CLASP1: variants seen among roughly 807,000 people sequenced by gnomAD.
CLASP1 encodes the protein CLIP-associating protein 1.
In CLASP1, 38 loss-of-function variants were observed where a neutral mutation model predicts 192.3. That is an observed-to-expected ratio of 0.20 (90% CI 0.15 to 0.26). CLASP1 has a LOEUF of 0.26. Ranked by LOEUF, CLASP1 falls within the 10% of genes least tolerant of loss-of-function variation. CLASP1 has a pLI of 1.00. For synonymous variants in CLASP1, 691 were observed against 712.8 expected (o/e 0.97, Z 0.49); for missense variants, 1,433 against 1,932.5 (o/e 0.74, Z 4.85).
intron 19 of CLASP1, among the ~76,000 whole-genome samples, chr2:121,437,880 T>C (rs1462484538): frequency 1.3e-5 from 2 of 152,242 alleles, no homozygotes; most frequent in African/African-American, 4.8e-5. Context: ...GGTTTGAAGC[T>C]GTGTGGATTC....
chr2:121,430,284 T>C (rs1176158632), intron 19 of CLASP1, 107 bp from the exon 20 acceptor site: 5 of 760,980 alleles, frequency 6.6e-6, no homozygotes, highest in Non-Finnish European at 1.1e-5. Context: ...GCCAACTACA[T>C]GGGGAGCAAC....
At chr2:121,589,191 C>T (rs1444668816) in intron 2 of CLASP1, among the ~76,000 whole-genome samples, 1 of 152,222 alleles carries the variant, frequency 6.6e-6, no homozygotes, top group Non-Finnish European at 1.5e-5. Flanking sequence ...GCCCATCCAT[C>T]TGACTTGCCT....
At chr2:121,595,757 G>A (rs554254116) in intron 2 of CLASP1, among the ~76,000 whole-genome samples, 1 of 152,286 alleles carries the variant, frequency 6.6e-6, no homozygotes, top group East Asian at 1.9e-4. Context: ...CAGAGCACAG[G>A]CTAACTGACT....
intron 1 of CLASP1, among the ~76,000 whole-genome samples, chr2:121,614,116 A>T (rs287787): frequency 2.0e-5 from 3 of 151,936 alleles, no homozygotes; most frequent in Admixed American, 6.6e-5. Context: ...GGCTACCAGG[A>T]CTCCTGAGAC....
intron 1 of CLASP1, among the ~76,000 whole-genome samples, chr2:121,615,318 G>A (rs565007651): frequency 4.9e-4 from 75 of 151,768 alleles, no homozygotes; most frequent in Non-Finnish European, 9.0e-4. Flanking sequence ...CAGCTTGCGC[G>A]TCAGGAATGA....
chr2:121,392,115 T>C (rs1408442517), intron 30 of CLASP1, among the ~76,000 whole-genome samples: 1 of 152,224 alleles, frequency 6.6e-6, no homozygotes. Flanking sequence ...TACTTCTAGG[T>C]TTCTTCGCCA....
At chr2:121,478,753 ACACACACACCACACACCC>A (rs2092069599) in intron 8 of CLASP1, among the ~76,000 whole-genome samples, 4 of 37,060 alleles carry the variant, frequency 1.1e-4, no homozygotes, top group African/African-American at 1.6e-4. Flanking sequence ...CACACACACC[ACACACACACCACACACCC>A]CACACACACA....
intron 8 of CLASP1, among the ~76,000 whole-genome samples, chr2:121,483,613 G>A (rs1467633777): frequency 1.3e-5 from 2 of 150,676 alleles, no homozygotes; most frequent in African/African-American, 2.4e-5. Flanking sequence ...CAAGAATTTG[G>A]GTTTATTTTC....
intron 1 of CLASP1, among the ~76,000 whole-genome samples, chr2:121,632,936 C>T (rs1467912257): frequency 6.7e-6 from 1 of 149,044 alleles, no homozygotes; most frequent in Non-Finnish European, 1.5e-5. Flanking sequence ...AGTCTATAAT[C>T]AGCCACGAAC....
intron 35 of CLASP1, among the ~76,000 whole-genome samples, chr2:121,367,228 G>A (rs751387791): frequency 3.3e-5 from 5 of 152,178 alleles, no homozygotes; most frequent in East Asian, 1.9e-4. Flanking sequence ...GCCCGCGCTC[G>A]CCATCCTGTT....
chr2:121,388,126 T>G (rs988509574), intron 30 of CLASP1: 5 of 431,276 alleles, frequency 1.2e-5, no homozygotes, highest in Non-Finnish European at 2.1e-5. Flanking sequence ...CCCTCTGGCC[T>G]TGGAATTCCA....
At chr2:121,600,687 T>C (rs554702107) in intron 2 of CLASP1, among the ~76,000 whole-genome samples, 1 of 152,360 alleles carries the variant, frequency 6.6e-6, no homozygotes, top group South Asian at 2.1e-4. Context: ...ATCAGTTTCC[T>C]CTCCATAGAC....
chr2:121,613,967 A>G (rs1465687289), intron 1 of CLASP1, among the ~76,000 whole-genome samples: 1 of 152,182 alleles, frequency 6.6e-6, no homozygotes, highest in Non-Finnish European at 1.5e-5. Context: ...AGGCTCTACA[A>G]TGGTGTCACT....
At chr2:121,478,788 ACACAC>A (rs2092110019) in intron 8 of CLASP1, among the ~76,000 whole-genome samples, 1 of 76,598 alleles carries the variant, frequency 1.3e-5, no homozygotes, top group Non-Finnish European at 2.7e-5. Context: ...CACACCCCAC[ACACAC>A]CACACACCAC....
chr2:121,371,376 T>C (rs1362421144), intron 34 of CLASP1, among the ~76,000 whole-genome samples: 1 of 151,846 alleles, frequency 6.6e-6, no homozygotes, highest in African/African-American at 2.4e-5. Context: ...GACTACAGGG[T>C]GCACACCACC....
chr2:121,458,484 A>C (rs2087161684), intron 13 of CLASP1, among the ~76,000 whole-genome samples: 1 of 152,222 alleles, frequency 6.6e-6, no homozygotes, highest in South Asian at 2.1e-4. Flanking sequence ...CCAATACCTA[A>C]AACGGAAGGA....
intron 2 of CLASP1, among the ~76,000 whole-genome samples, chr2:121,536,378 GAAAAAAAA>G (rs59632661): frequency 1.2e-4 from 6 of 48,300 alleles, no homozygotes; most frequent in African/African-American, 1.7e-4. Flanking sequence ...AAGACTGTCT[GAAAAAAAA>G]AAAAAAAAAA....
intron 2 of CLASP1, among the ~76,000 whole-genome samples, chr2:121,585,968 A>G (rs2061675842): frequency 6.6e-6 from 1 of 151,782 alleles, no homozygotes; most frequent in Non-Finnish European, 1.5e-5. Context: ...TACTTGGGGG[A>G]AAAAATAGTG....
intron 1 of CLASP1, among the ~76,000 whole-genome samples, chr2:121,622,414 C>A (rs888523151): frequency 2.6e-5 from 4 of 151,096 alleles, no homozygotes; most frequent in Admixed American, 6.6e-5. Context: ...CTAAAAAAAA[C>A]AAAAATTAGC....
Sources: gnomAD v4.1 joint callset for allele counts (sites outside exome capture counted in the v4.1 genomes callset) on GRCh38, gnomAD v4.1.1 for gene constraint, MANE v1.5 for transcripts, NCBI Gene and HGNC (gene_info 2026-07-23, HGNC 2026-07-21) for gene names.